KCNN3: variants seen among roughly 807,000 people sequenced by gnomAD.
The protein encoded by KCNN3 is small conductance calcium-activated potassium channel protein 3.
In KCNN3, 16 loss-of-function variants were observed where a neutral mutation model predicts 62.9. That is an observed-to-expected ratio of 0.25 (90% CI 0.17 to 0.39). The LOEUF (loss-of-function observed/expected upper bound fraction) is 0.39. Ranked by LOEUF, KCNN3 falls within the 10% of genes least tolerant of loss-of-function variation. The pLI is 1.00. For synonymous variants in KCNN3, 370 were observed against 389.2 expected (o/e 0.95, Z 0.58); for missense variants, 599 against 949.4 (o/e 0.63, Z 4.85).
intron 3 of KCNN3, among the ~76,000 whole-genome samples, chr1:154,735,905 A>G (rs1412721148): frequency 9.2e-5 from 14 of 152,208 alleles, no homozygotes; most frequent in African/African-American, 4.8e-5. Flanking sequence ...CACAGAAGGG[A>G]GAAGACGTAA....
rs544273790 is a variant in KCNN3, at chr1:154,800,022, G to A, written c.1029+22067C>T. Among the ~76,000 whole-genome samples, 11 of 152,326 alleles carry A rather than the reference G, an allele frequency of 7.2e-5. No homozygotes were observed. In the East Asian group the frequency reaches 9.6e-4, roughly 13 times the overall value. ...CACATTCATCCACTCACATGCAGGC[G>A]AAGGGTGTGACGTATGCATGGGAAA... is the stretch of plus-strand genomic sequence containing the variant. On this transcript the variant is annotated intron_variant, in intron 2 of 7. Coordinates refer to ENST00000271915, the MANE Select transcript of KCNN3 (RefSeq NM_002249.6).
At chr1:154,768,908 A>G (rs1648418312) in intron 3 of KCNN3, among the ~76,000 whole-genome samples, 1 of 152,208 alleles carries the variant, frequency 6.6e-6, no homozygotes, top group African/African-American at 2.4e-5. Flanking sequence ...AGACTCTGAG[A>G]TTGGGAAAGT....
At chr1:154,739,129 G>A (rs1700775021) in intron 3 of KCNN3, among the ~76,000 whole-genome samples, 1 of 152,158 alleles carries the variant, frequency 6.6e-6, no homozygotes, top group Admixed American at 6.5e-5. Context: ...AGCAAAAGAA[G>A]GTAAAAGTAG....
chr1:154,847,984 G>A (rs1652146180), intron 1 of KCNN3, among the ~76,000 whole-genome samples: 1 of 152,166 alleles, frequency 6.6e-6, no homozygotes, highest in Admixed American at 6.5e-5. Flanking sequence ...CGCTGCTGCT[G>A]TCCTCCATAC....
intron 1 of KCNN3, among the ~76,000 whole-genome samples, chr1:154,839,231 C>A (rs939430712): frequency 6.6e-6 from 1 of 152,136 alleles, no homozygotes; most frequent in African/African-American, 2.4e-5. Flanking sequence ...GATCTGCAGA[C>A]CTCAGGAAGC....
At chr1:154,841,292 T>C (rs563630142) in intron 1 of KCNN3, among the ~76,000 whole-genome samples, 1 of 152,332 alleles carries the variant, frequency 6.6e-6, no homozygotes, top group East Asian at 1.9e-4. Flanking sequence ...GCTCTCCACG[T>C]GTCTGCATTC....
At chr1:154,788,727 C>A (rs960373297) in intron 2 of KCNN3, among the ~76,000 whole-genome samples, 2 of 152,320 alleles carry the variant, frequency 1.3e-5, no homozygotes, top group African/African-American at 2.4e-5. Flanking sequence ...GAGCCAGCCA[C>A]CTTCACGTGC....
intron 3 of KCNN3, among the ~76,000 whole-genome samples, chr1:154,746,795 G>A (rs1700947876): frequency 6.6e-6 from 1 of 152,178 alleles, no homozygotes; most frequent in Admixed American, 6.5e-5. Context: ...GCTTCAGGTT[G>A]ATTTTGCTTA....
chr1:154,827,180 C>T (rs1651171660), intron 1 of KCNN3, among the ~76,000 whole-genome samples: 1 of 152,220 alleles, frequency 6.6e-6, no homozygotes, highest in South Asian at 2.1e-4. Flanking sequence ...ACTTTTCCTT[C>T]AATTTCATGG....
At chr1:154,829,877 C>T (rs1651313967) in intron 1 of KCNN3, among the ~76,000 whole-genome samples, 1 of 152,202 alleles carries the variant, frequency 6.6e-6, no homozygotes, top group African/African-American at 2.4e-5. Flanking sequence ...CTCCCATTGG[C>T]ACTGCCCAGC....
At chr1:154,817,143 T>C (rs1457740681) in intron 2 of KCNN3, among the ~76,000 whole-genome samples, 1 of 152,140 alleles carries the variant, frequency 6.6e-6, no homozygotes, top group Non-Finnish European at 1.5e-5. Context: ...TCCGGGTGGG[T>C]AGGCATATTC....
intron 3 of KCNN3, among the ~76,000 whole-genome samples, chr1:154,734,487 CT>C (rs1203577019): frequency 1.3e-5 from 2 of 152,230 alleles, no homozygotes; most frequent in Admixed American, 6.5e-5. Flanking sequence ...AGGAAGCCCC[CT>C]GGAAGGATTC....
Position 154,862,800 on chromosome 1 carries a change from C to T in KCNN3, c.933+6232G>A, listed in dbSNP as rs1652815903. On this transcript the variant is annotated intron_variant, in intron 1 of 7. Transcript: ENST00000271915. This position sits in a 1 kb window ranked among gnomAD's most constrained non-coding sequence, Gnocchi z 4.1. ...CGCCCTCCATCAAGCCCTTCCTGCC[C>T]AGCTCGTGGTAAAGTTCCTCCTGTT... Among the ~76,000 whole-genome samples the T allele has an allele frequency of 2.6e-5, 4 of 152,184 alleles. No homozygotes were observed. The South Asian group carries it at 8.3e-4, about 31-fold the overall frequency.
chr1:154,795,873 T>A (rs772463643), intron 2 of KCNN3, among the ~76,000 whole-genome samples: 2 of 152,106 alleles, frequency 1.3e-5, no homozygotes, highest in Non-Finnish European at 2.9e-5. Flanking sequence ...CAGGAGGAAA[T>A]GGCACAGATG....
chr1:154,845,881 C>A (rs183157699), intron 1 of KCNN3, among the ~76,000 whole-genome samples: 7 of 152,340 alleles, frequency 4.6e-5, no homozygotes, highest in African/African-American at 1.4e-4. Context: ...TCCTCACGCA[C>A]ATGCTTGTTG....
intron 5 of KCNN3, among the ~76,000 whole-genome samples, chr1:154,715,623 T>G (rs1302943092): frequency 6.6e-6 from 1 of 151,970 alleles, no homozygotes; most frequent in Admixed American, 6.6e-5. Context: ...CCTTCTTTCT[T>G]TCTTCCTTCT....
chr1:154,759,471 C>G (rs987888468), intron 3 of KCNN3, among the ~76,000 whole-genome samples: 1 of 152,214 alleles, frequency 6.6e-6, no homozygotes, highest in African/African-American at 2.4e-5. Flanking sequence ...ACGTCACTTA[C>G]AGGAACCCCT....
chr1:154,839,298 C>T (rs925887135), intron 1 of KCNN3, among the ~76,000 whole-genome samples: 1 of 152,242 alleles, frequency 6.6e-6, no homozygotes, highest in African/African-American at 2.4e-5. Context: ...TGCGTACCTA[C>T]ACCAGAAGGG....
At chr1:154,839,899 C>G (rs1651756928) in intron 1 of KCNN3, among the ~76,000 whole-genome samples, 1 of 152,214 alleles carries the variant, frequency 6.6e-6, no homozygotes, top group Non-Finnish European at 1.5e-5. Flanking sequence ...ACCCCAGCTG[C>G]TAGCTCCTTG....
Sources: allele counts gnomAD v4.1 joint callset (sites outside exome capture counted in the v4.1 genomes callset), GRCh38; gene constraint gnomAD v4.1.1; non-coding constraint Gnocchi (gnomAD v3.1); transcripts MANE v1.5; gene names NCBI Gene and HGNC (gene_info 2026-07-23, HGNC 2026-07-21).